SIM1: variants seen among roughly 807,000 people sequenced by gnomAD.
SIM1 encodes SIM bHLH transcription factor 1.
In SIM1, 18 loss-of-function variants were observed where a neutral mutation model predicts 78.2. That is an observed-to-expected ratio of 0.23 (90% CI 0.16 to 0.34). The LOEUF (loss-of-function observed/expected upper bound fraction) is 0.34, where lower values mean the gene tolerates loss of function less well. Among genes scored for constraint, SIM1 ranks in the 10% least tolerant of loss-of-function variants. The pLI is 1.00. For synonymous variants in SIM1, 417 were observed against 385.2 expected (o/e 1.08, Z -0.97); for missense variants, 939 against 975.1 (o/e 0.96, Z 0.49).
intron 2 of SIM1, among the ~76,000 whole-genome samples, chr6:100,462,038 C>T (rs1464050820): frequency 6.6e-6 from 1 of 151,764 alleles, no homozygotes; most frequent in Non-Finnish European, 1.5e-5. Context: ...TTTTCATGCT[C>T]CACTAATTTG....
At chr6:100,402,856 G>A (rs1011868206) in intron 10 of SIM1, among the ~76,000 whole-genome samples, 2 of 152,072 alleles carry the variant, frequency 1.3e-5, no homozygotes, top group Non-Finnish European at 2.9e-5. Flanking sequence ...GATTACAGGC[G>A]TGAGCCACCG....
rs1562239805 is a variant in SIM1, at chr6:100,412,638, AAAGAAAGAAAGAAAGAAAGAG to A, written c.1167+8131_1167+8151del. ...AAAGAAAGAAGGAAAGAAAGAAAGAAAAGAAAGAAAGAAAGAAAGAGAGAGAGAGAGAGAGAAAGAAAGAAA... is the reference window on the plus strand; with the variant it reads ...AAAGAAAGAAGGAAAGAAAGAAAGAAAGAGAGAGAGAGAGAAAGAAAGAAA... On this transcript the variant is annotated intron_variant, in intron 10 of 11. Transcript: ENST00000369208. 1.6e-3 allele frequency among the ~76,000 whole-genome samples: 145 copies of A among 91,314 alleles called. 17 individuals carry two copies. The highest frequency in any genetic ancestry group is 2.4e-3 in the Non-Finnish European group (109 of 44,642). The allele number at this position is 91,314 out of a possible 152,430, so 59.9% of individuals were successfully genotyped here.
chr6:100,420,839 G>T lies in SIM1; in HGVS notation c.1118C>A (p.Ser373Tyr), dbSNP rs765547479. ...TMTDNRKGAK[S>Y]RLSSSKSKSR... ...TTTTGACTTTGAGCTGGAGAGCCGG[G>T]ATTTGGCCCCCTTTCTGTTGTCAGT... Residue 373 changes from serine (S) to tyrosine (Y), a missense_variant, in exon 10 of 12, where the codon TCC becomes TAC. Around this residue, in one of 5 missense-constraint regions of SIM1, gnomAD observed 556 missense variants for 521.9 expected, o/e 1.07. Coordinates refer to ENST00000369208, the MANE Select transcript of SIM1 (RefSeq NM_005068.3). 2.5e-6 allele frequency: 4 copies of T among 1,614,134 alleles called. No homozygotes were observed. Among genetic ancestry groups the T allele is most frequent in the Non-Finnish European group, 3.4e-6 (4 of 1,180,020 alleles).
At chr6:100,459,352 C>T (rs1326016631) in intron 2 of SIM1, among the ~76,000 whole-genome samples, 1 of 152,180 alleles carries the variant, frequency 6.6e-6, no homozygotes, top group Non-Finnish European at 1.5e-5. Flanking sequence ...TTCTGCACTC[C>T]ACATTTTAAG....
chr6:100,401,323 T>C (rs1770909599), intron 10 of SIM1, among the ~76,000 whole-genome samples: 1 of 152,152 alleles, frequency 6.6e-6, no homozygotes, highest in African/African-American at 2.4e-5. Context: ...AAATGCAATA[T>C]AGACTCTTGG....
At chr6:100,462,766 T>A (rs1374271851) in intron 2 of SIM1, 1 of 152,284 alleles carries the variant, frequency 6.6e-6, no homozygotes, top group Admixed American at 6.5e-5. Context: ...TAGAATTTAT[T>A]TAAGAACTTG....
intron 10 of SIM1, among the ~76,000 whole-genome samples, chr6:100,417,293 C>T (rs892359198): frequency 6.6e-6 from 1 of 152,106 alleles, no homozygotes; most frequent in African/African-American, 2.4e-5. Flanking sequence ...TTGTATACAC[C>T]ATCTCCTAGA....
chr6:100,398,894 C>T lies in SIM1; in HGVS notation c.1168-5005G>A, dbSNP rs75114987. On this transcript the variant is annotated intron_variant, in intron 10 of 11. Coordinates refer to ENST00000369208, the MANE Select transcript of SIM1 (RefSeq NM_005068.3). Reference sequence around the variant, plus strand: ...TTTTACATTCCCATTAATAGTACAACGGGTTCAAATGTATCTACATCCTCA... The same window carrying T: ...TTTTACATTCCCATTAATAGTACAATGGGTTCAAATGTATCTACATCCTCA... Among the ~76,000 whole-genome samples the T allele has an allele frequency of 3.5e-3, 536 of 151,750 alleles. 2 individuals carry two copies. Among genetic ancestry groups the T allele is most frequent in the African/African-American group, 0.012 (500 of 41,400 alleles).
chr6:100,418,703 C>G (rs1472321092), intron 10 of SIM1, among the ~76,000 whole-genome samples: 2 of 152,124 alleles, frequency 1.3e-5, no homozygotes, highest in Non-Finnish European at 2.9e-5. Flanking sequence ...TTAGTACCTC[C>G]TAATTTAAAT....
At chr6:100,419,434 T>G (rs1771505193) in intron 10 of SIM1, among the ~76,000 whole-genome samples, 1 of 152,180 alleles carries the variant, frequency 6.6e-6, no homozygotes, top group African/African-American at 2.4e-5. Flanking sequence ...TAGTAGCCTC[T>G]TAGTGACCAC....
intron 2 of SIM1, among the ~76,000 whole-genome samples, chr6:100,459,834 T>C (rs532497933): frequency 4.6e-5 from 7 of 152,244 alleles, no homozygotes; most frequent in Admixed American, 2.6e-4. Context: ...CCAGCCAAAA[T>C]TGCTTTAGAG....
chr6:100,441,056 C>CA (rs1772201648), intron 9 of SIM1, among the ~76,000 whole-genome samples: 1 of 152,160 alleles, frequency 6.6e-6, no homozygotes, highest in African/African-American at 2.4e-5. Flanking sequence ...AGTCAAAGAT[C>CA]AAAACCCTTT....
intron 10 of SIM1, among the ~76,000 whole-genome samples, chr6:100,412,723 G>GAA (rs1256206595): frequency 6.7e-5 from 9 of 134,136 alleles, no homozygotes; most frequent in Non-Finnish European, 1.1e-4. Context: ...AAGAAAGAAA[G>GAA]AAAGAAAGAA....
intron 9 of SIM1, among the ~76,000 whole-genome samples, chr6:100,440,360 A>G (rs192119399): frequency 6.6e-6 from 1 of 152,328 alleles, no homozygotes; most frequent in African/African-American, 2.4e-5. Context: ...TTTGTTTCAC[A>G]GATTGCTTGG....
intron 9 of SIM1, among the ~76,000 whole-genome samples, chr6:100,425,770 T>A (rs1258515726): frequency 2.0e-5 from 3 of 152,178 alleles, no homozygotes; most frequent in Non-Finnish European, 4.4e-5. Flanking sequence ...GGTGAGGCAC[T>A]TTCTGGTATC....
At chr6:100,449,932 A>G (rs1287499715) in intron 4 of SIM1, among the ~76,000 whole-genome samples, 1 of 152,176 alleles carries the variant, frequency 6.6e-6, no homozygotes, top group Non-Finnish European at 1.5e-5. Flanking sequence ...TAATAATAAT[A>G]GTAGTAATAG....
chr6:100,407,331 A>C (rs967152369), intron 10 of SIM1, among the ~76,000 whole-genome samples: 1 of 152,120 alleles, frequency 6.6e-6, no homozygotes, highest in Non-Finnish European at 1.5e-5. Flanking sequence ...TTCACTGTAC[A>C]TAGATACATT....
chr6:100,421,496 AT>A (rs1361919656), intron 9 of SIM1, among the ~76,000 whole-genome samples: 1 of 152,180 alleles, frequency 6.6e-6, no homozygotes, highest in Non-Finnish European at 1.5e-5. Context: ...TCCTTCGTTT[AT>A]TCAATAAATA....
intron 9 of SIM1, among the ~76,000 whole-genome samples, chr6:100,446,835 T>C (rs1409824067): frequency 6.6e-6 from 1 of 152,210 alleles, no homozygotes; most frequent in East Asian, 1.9e-4. Flanking sequence ...CTCTTAACTT[T>C]GATTGGAGAC....
Sources: gnomAD v4.1 joint callset for allele counts (sites outside exome capture counted in the v4.1 genomes callset) on GRCh38, gnomAD v4.1.1 for gene constraint, gnomAD v4.1.1 regional missense constraint, MANE v1.5 for transcripts, NCBI Gene and HGNC (gene_info 2026-07-23, HGNC 2026-07-21) for gene names.